The following COL27A1 variants were observed in gnomAD, a reference collection of about 807,000 sequenced individuals.
COL27A1 encodes collagen alpha-1(XXVII) chain.
COL27A1 carries 106 observed loss-of-function variants against 251.3 expected under a neutral mutation model. The ratio of observed to expected loss-of-function variants is 0.42; its 90% CI spans 0.36 to 0.50. The LOEUF (loss-of-function observed/expected upper bound fraction) is 0.50. COL27A1 is among the 20% of genes least tolerant of loss of function. The pLI, the probability that COL27A1 is intolerant of heterozygous loss-of-function variation, is 0.00. For synonymous variants in COL27A1, 1,000 were observed against 986.3 expected (o/e 1.01, Z -0.26); for missense variants, 2,325 against 2,522.8 (o/e 0.92, Z 1.68).
intron 14 of COL27A1, among the ~76,000 whole-genome samples, chr9:114,230,300 C>T (rs4978573): frequency 6.6e-6 from 1 of 152,052 alleles, no homozygotes; most frequent in Non-Finnish European, 1.5e-5. Context: ...AGTTTGCAGA[C>T]GGCAGCTCAG....
intron 25 of COL27A1, among the ~76,000 whole-genome samples, chr9:114,250,921 G>A (rs1833499945): frequency 2.0e-5 from 3 of 152,092 alleles, no homozygotes; most frequent in Non-Finnish European, 4.4e-5. Context: ...CATGTGACCT[G>A]GGCTCCTCAC....
At chr9:114,178,763 G>A (rs1044140963) in intron 4 of COL27A1, among the ~76,000 whole-genome samples, 3 of 152,124 alleles carry the variant, frequency 2.0e-5, no homozygotes, top group East Asian at 1.9e-4. Flanking sequence ...GGGGCCATGC[G>A]GGGAGGAGTT....
chr9:114,299,362 C>T (rs1359074211), intron 49 of COL27A1, among the ~76,000 whole-genome samples: 2 of 152,252 alleles, frequency 1.3e-5, no homozygotes. Flanking sequence ...GTAATAATGG[C>T]AGGCTCTTCT....
intron 10 of COL27A1, among the ~76,000 whole-genome samples, chr9:114,209,203 G>A (rs990877863): frequency 4.6e-5 from 7 of 152,176 alleles, no homozygotes; most frequent in African/African-American, 1.2e-4. Context: ...GTTCGCAGCC[G>A]CTGTTAGTTA....
At position 114,169,059 on chromosome 9, in the gene COL27A1, C is replaced by T. The variant is rs142260452; in HGVS notation, c.1504C>T (p.Arg502Trp). 25 of 1,613,968 alleles carry T rather than the reference C, an allele frequency of 1.5e-5. No homozygotes were observed. Among genetic ancestry groups the T allele is most frequent in the South Asian group, 2.2e-5 (2 of 91,084 alleles). Residue 502 changes from arginine to tryptophan, a missense_variant, in exon 3 of 61, where the codon CGG becomes TGG. Arg to Trp is a moderately radical substitution (Grantham distance 101). Transcript: ENST00000356083. Reference protein sequence around the residue: ...APTPGSTRSTRPPATMVPPTS... With the variant: ...APTPGSTRSTWPPATMVPPTS... The stretch of plus-strand genomic sequence containing the variant: ...TACTCCTGGTTCTACCAGGAGTACT[C>T]GGCCACCAGCCACGATGGTACCTCC...
chr9:114,251,079 T>A (rs1833510545), intron 25 of COL27A1, among the ~76,000 whole-genome samples: 1 of 152,100 alleles, frequency 6.6e-6, no homozygotes, highest in African/African-American at 2.4e-5. Flanking sequence ...TTACTCCAGG[T>A]CACCCAGATA....
chr9:114,305,716 G>T (rs1309026493), intron 57 of COL27A1, among the ~76,000 whole-genome samples: 2 of 152,096 alleles, frequency 1.3e-5, no homozygotes, highest in Non-Finnish European at 2.9e-5. Flanking sequence ...GGGTCTCTGG[G>T]CCAGGCCTCT....
intron 10 of COL27A1, among the ~76,000 whole-genome samples, chr9:114,208,777 G>C (rs964521544): frequency 4.6e-5 from 7 of 152,158 alleles, no homozygotes; most frequent in South Asian, 2.1e-4. Flanking sequence ...ACTGGGGATG[G>C]GGGGGAGAGA....
rs750902736 is a variant in COL27A1 at position 114,168,671 on chromosome 9, T to A, written c.1116T>A (p.Pro372=). The change falls in exon 3 of 61, where the codon CCT becomes CCA. Residue 372 remains proline (P), a synonymous_variant. Transcript: ENST00000356083. ...TKIPKSLPTK[P]SAPSTSIVPI... ...TCCCCAAAAGCCTCCCTACCAAGCC[T>A]TCGGCCCCTTCTACTTCAATTGTGC... 7 of 1,614,032 alleles carry A rather than the reference T, an allele frequency of 4.3e-6. No homozygotes were observed. The highest frequency in any genetic ancestry group is 3.4e-6 in the Non-Finnish European group (4 of 1,180,038).
chr9:114,279,188 C>T (rs888974105), intron 37 of COL27A1, among the ~76,000 whole-genome samples: 1 of 152,196 alleles, frequency 6.6e-6, no homozygotes, highest in Non-Finnish European at 1.5e-5. Context: ...CCAAGACCAG[C>T]CTGGAAGGAG....
intron 7 of COL27A1, among the ~76,000 whole-genome samples, chr9:114,197,634 G>C (rs932978890): frequency 6.6e-6 from 1 of 152,180 alleles, no homozygotes; most frequent in Non-Finnish European, 1.5e-5. Context: ...TCCTCCCTGG[G>C]GTGCCAGGGC....
intron 7 of COL27A1, among the ~76,000 whole-genome samples, chr9:114,197,524 C>T (rs1013622554): frequency 7.2e-5 from 11 of 152,192 alleles, no homozygotes; most frequent in African/African-American, 2.4e-4. Flanking sequence ...AGGCTCCTTC[C>T]GGTCCCAGCT....
intron 37 of COL27A1, among the ~76,000 whole-genome samples, chr9:114,278,633 G>T (rs770022008): frequency 1.3e-5 from 2 of 150,292 alleles, no homozygotes; most frequent in Admixed American, 1.3e-4. Context: ...TATGGCGTAG[G>T]TAGTGGTGAT....
intron 3 of COL27A1, among the ~76,000 whole-genome samples, chr9:114,173,976 G>GC (rs1316949193): frequency 1.1e-5 from 1 of 93,152 alleles, no homozygotes; most frequent in Non-Finnish European, 2.3e-5. Context: ...GGGGAGGACT[G>GC]CCCCCATTTT....
chr9:114,266,679 T>G, intron 33 of COL27A1, 61 bp downstream of exon 33: 1 of 1,446,746 alleles, frequency 6.9e-7, no homozygotes, highest in East Asian at 2.3e-5. Flanking sequence ...AGCCCTTCCC[T>G]TCCCTCCTCC....
At chr9:114,256,044 T>A (rs192727523) in intron 27 of COL27A1, among the ~76,000 whole-genome samples, 119 of 152,340 alleles carry the variant, frequency 7.8e-4, no homozygotes, top group Non-Finnish European at 1.4e-3. Flanking sequence ...GATAACTATT[T>A]GTTAGAGATG....
intron 10 of COL27A1, among the ~76,000 whole-genome samples, chr9:114,206,887 A>AG (rs1256222277): frequency 6.6e-6 from 1 of 152,164 alleles, no homozygotes; most frequent in Admixed American, 6.5e-5. Context: ...ACAGCTCAGG[A>AG]GGGGGCCACC....
At chr9:114,269,345 C>A in intron 35 of COL27A1, 51 bp downstream of exon 35, 1 of 1,397,984 alleles carries the variant, frequency 7.2e-7, no homozygotes, top group Non-Finnish European at 1.0e-6. Flanking sequence ...TGTGTGGGTG[C>A]CGCAGGGGAA....
At chr9:114,303,481 C>T (rs1042146948) in intron 56 of COL27A1, among the ~76,000 whole-genome samples, 2 of 152,142 alleles carry the variant, frequency 1.3e-5, no homozygotes, top group African/African-American at 4.8e-5. Context: ...TCAAGCCATA[C>T]ACCCGCCTCG....
Sources: gnomAD v4.1 joint callset for allele counts (sites outside exome capture counted in the v4.1 genomes callset) on GRCh38, gnomAD v4.1.1 for gene constraint, MANE v1.5 for transcripts, NCBI Gene and HGNC (gene_info 2026-07-23, HGNC 2026-07-21) for gene names.